The following ITPRID1 variants were observed in gnomAD, a reference collection of about 807,000 sequenced individuals.
The protein encoded by ITPRID1 is ITPR interacting domain containing 1.
In ITPRID1, 96 loss-of-function variants were observed where a neutral mutation model predicts 95.4. That is an observed-to-expected ratio of 1.01 (90% CI 0.85 to 1.19). The LOEUF (loss-of-function observed/expected upper bound fraction) is 1.19. Ranked by LOEUF, ITPRID1 falls within the 50% of genes most tolerant of loss-of-function variation. ITPRID1 has a pLI of 0.00. For missense variants in ITPRID1, 1,339 were observed against 1,252.9 expected (o/e 1.07, Z -1.04); for synonymous variants, 510 against 453.6 (o/e 1.12, Z -1.58).
intron 1 of ITPRID1, among the ~76,000 whole-genome samples, chr7:31,538,589 T>C (rs1338396560): frequency 6.6e-6 from 1 of 152,218 alleles, no homozygotes. Flanking sequence ...ATTAACAAAT[T>C]TAAAATACAA....
At position 31,574,686 on chromosome 7, in the gene ITPRID1, G is replaced by A. The variant is rs747960403; in HGVS notation, c.542G>A (p.Arg181His). ...TCAGCAGCCAGAGGAATCAACATCC[G>A]TGTTTTTCTTGAAGCTCAAAAGCAG... is the stretch of plus-strand genomic sequence containing the variant. Reference protein sequence around the residue: ...CGSAARGINIRVFLEAQKQRM... With the variant: ...CGSAARGINIHVFLEAQKQRM... The change falls in exon 8 of 15, where the codon CGT becomes CAT. Residue 181 changes from arginine to histidine, a missense_variant. Arg to His is a conservative substitution (Grantham distance 29, BLOSUM62 0). Coordinates refer to ENST00000615280, the MANE Select transcript of ITPRID1 (RefSeq NM_001257967.3). The A allele has an allele frequency of 2.5e-6, 4 of 1,613,866 alleles. No homozygotes were observed. The highest frequency in any genetic ancestry group is 2.2e-5 in the South Asian group (2 of 91,082).
At chr7:31,519,616 C>CTATATATATATATA (rs1340353008) in intron 1 of ITPRID1, among the ~76,000 whole-genome samples, 11 of 38,474 alleles carry the variant, frequency 2.9e-4, no homozygotes, top group Non-Finnish European at 3.9e-4. Flanking sequence ...CTCTCTCTCT[C>CTATATATATATATA]TCTCTATATA....
intron 1 of ITPRID1, among the ~76,000 whole-genome samples, chr7:31,525,884 A>T (rs1176863098): frequency 6.6e-6 from 1 of 152,104 alleles, no homozygotes; most frequent in Non-Finnish European, 1.5e-5. Flanking sequence ...CTAACCTATA[A>T]ATCAGTCTCA....
At chr7:31,546,419 G>A (rs755904956) in intron 1 of ITPRID1, among the ~76,000 whole-genome samples, 45 of 151,970 alleles carry the variant, frequency 3.0e-4, no homozygotes, top group Non-Finnish European at 4.9e-4. Flanking sequence ...GTGTGTGTGC[G>A]TGCGCATATA....
chr7:31,613,777 G>A (rs1270610986), intron 10 of ITPRID1, among the ~76,000 whole-genome samples: 3 of 152,102 alleles, frequency 2.0e-5, no homozygotes, highest in African/African-American at 7.2e-5. Flanking sequence ...TTTGCAAGGT[G>A]GCTTCTCAGC....
intron 7 of ITPRID1, 45 bp downstream of exon 7, chr7:31,572,233 G>A (rs947687342): frequency 2.5e-5 from 30 of 1,218,412 alleles, no homozygotes; most frequent in Non-Finnish European, 3.3e-5. Context: ...ATCATTCTGT[G>A]CAACAATGGA....
intron 5 of ITPRID1, among the ~76,000 whole-genome samples, chr7:31,561,038 C>A (rs574777713): frequency 6.6e-6 from 1 of 151,834 alleles, no homozygotes; most frequent in South Asian, 2.1e-4. Context: ...CAGTGTGTCA[C>A]GGTGGGAATG....
chr7:31,619,858 G>A lies in ITPRID1; in HGVS notation c.1229-22318G>A, dbSNP rs868480735. On this transcript the variant is annotated intron_variant, in intron 10 of 14. Transcript: ENST00000615280. ...CAGGGAGTTCCCTTTCCTAGTCAAA[G>A]AAAGGGGTGACAGATGGCACCTGGA... 2.0e-5 allele frequency among the ~76,000 whole-genome samples: 3 copies of A among 152,304 alleles called. No homozygotes were observed. In the South Asian group the frequency reaches 6.2e-4, roughly 32 times the overall value.
At chr7:31,562,045 A>T (rs964183397) in intron 5 of ITPRID1, among the ~76,000 whole-genome samples, 1,160 of 12,046 alleles carry the variant, frequency 0.096, 14 homozygotes, top group Non-Finnish European at 0.25. Flanking sequence ...CTATGTATTT[A>T]AAAAAAAAAA....
intron 10 of ITPRID1, among the ~76,000 whole-genome samples, chr7:31,599,665 TC>T (rs760058409): frequency 0.013 from 838 of 63,662 alleles, 47 homozygotes; most frequent in South Asian, 0.034. Context: ...CTTTCCTTTC[TC>T]TCTCTCTCTC....
intron 10 of ITPRID1, among the ~76,000 whole-genome samples, chr7:31,616,902 T>A (rs1036381777): frequency 1.5e-4 from 23 of 152,316 alleles, no homozygotes; most frequent in African/African-American, 5.3e-4. Flanking sequence ...ACTTTTTGCC[T>A]TCTTGGTGGT....
At chr7:31,617,335 A>ATAAG (rs1303644709) in intron 10 of ITPRID1, among the ~76,000 whole-genome samples, 2 of 152,198 alleles carry the variant, frequency 1.3e-5, no homozygotes, top group African/African-American at 4.8e-5. Context: ...CTATTAAAGA[A>ATAAG]TAAGTGTTAA....
chr7:31,554,792 A>T, intron 4 of ITPRID1, 66 bp from the exon 5 acceptor site: 1 of 1,356,872 alleles, frequency 7.4e-7, no homozygotes. Context: ...TGTTTAATTA[A>T]AAAGTAATTT....
At chr7:31,630,089 G>T (rs1459973871) in intron 10 of ITPRID1, among the ~76,000 whole-genome samples, 1 of 151,844 alleles carries the variant, frequency 6.6e-6, no homozygotes, top group Non-Finnish European at 1.5e-5. Flanking sequence ...CTGATTAATT[G>T]GGGAGTTAAT....
At chr7:31,625,369 A>C (rs1337772584) in intron 10 of ITPRID1, among the ~76,000 whole-genome samples, 1 of 151,964 alleles carries the variant, frequency 6.6e-6, no homozygotes, top group Non-Finnish European at 1.5e-5. Flanking sequence ...CTTGGAACCA[A>C]CCCAAATGTC....
intron 10 of ITPRID1, among the ~76,000 whole-genome samples, chr7:31,632,811 G>T (rs1289478694): frequency 1.3e-5 from 2 of 152,240 alleles, no homozygotes; most frequent in African/African-American, 4.8e-5. Flanking sequence ...GACACAAACA[G>T]CCTGAAAAGC....
chr7:31,599,659 C>CCTTT lies in ITPRID1; in HGVS notation c.1228+16471_1228+16474dup, dbSNP rs751758816. ...TTTCTTTCTTTCTTTTTCTTTCTTT[C>CCTTT]CTTTCTCTCTCTCTCTCTCTCTCTC... On this transcript the variant is annotated intron_variant, in intron 10 of 14. Coordinates refer to ENST00000615280, the MANE Select transcript of ITPRID1 (RefSeq NM_001257967.3). 5.8e-3 allele frequency among the ~76,000 whole-genome samples: 183 copies of CCTTT among 31,714 alleles called. 11 individuals are homozygous for CCTTT. The highest frequency in any genetic ancestry group is 9.1e-3 in the Admixed American group (24 of 2,632). 20.8% of individuals were successfully genotyped at this position (31,714 alleles called of 152,430 possible).
intron 13 of ITPRID1, 99 bp downstream of exon 13, chr7:31,651,368 TA>T: frequency 1.1e-5 from 15 of 1,352,646 alleles, no homozygotes; most frequent in Non-Finnish European, 1.4e-5. Context: ...GGAGCAGAGC[TA>T]ATGAGAAACC....
intron 1 of ITPRID1, among the ~76,000 whole-genome samples, chr7:31,532,048 C>G (rs73689136): frequency 0.01 from 1,559 of 152,244 alleles, 31 homozygotes; most frequent in African/African-American, 0.036. Context: ...ACAGGAAGAA[C>G]ATAATCATCC....
Sources: allele counts gnomAD v4.1 joint callset (sites outside exome capture counted in the v4.1 genomes callset), GRCh38; gene constraint gnomAD v4.1.1; transcripts MANE v1.5; gene names NCBI Gene and HGNC (gene_info 2026-07-23, HGNC 2026-07-21).